The following SEMA6D variants were observed in gnomAD, a reference collection of about 807,000 sequenced individuals.
The protein encoded by SEMA6D is semaphorin 6D, also known as semaphorin-6D.
In SEMA6D, 35 loss-of-function variants were observed where a neutral mutation model predicts 106.6. The observed-to-expected ratio is 0.33, with a 90% CI of 0.25 to 0.44. The LOEUF (loss-of-function observed/expected upper bound fraction) is 0.44, where lower values mean the gene tolerates loss of function less well. Among genes scored for constraint, SEMA6D ranks in the 20% least tolerant of loss-of-function variants. The probability of loss-of-function intolerance (pLI) is 1.00; values close to 1 mark genes in which losing one functional copy is unlikely to be tolerated. For synonymous variants in SEMA6D, 499 were observed against 487.7 expected (o/e 1.02, Z -0.31); for missense variants, 1,185 against 1,345.9 (o/e 0.88, Z 1.87).
chr15:47,229,950 G>A, intron 1 of SEMA6D, among the ~76,000 whole-genome samples: 1 of 152,004 alleles, frequency 6.6e-6, no homozygotes, highest in East Asian at 1.9e-4. Flanking sequence ...AGAATGAAAA[G>A]CTTTTTAGTA....
At chr15:47,335,839 T>C (rs1383802737) in intron 1 of SEMA6D, among the ~76,000 whole-genome samples, 2 of 152,054 alleles carry the variant, frequency 1.3e-5, no homozygotes, top group African/African-American at 4.8e-5. Context: ...AAATGGAAAT[T>C]GATGGGGTTA....
intron 2 of SEMA6D, among the ~76,000 whole-genome samples, chr15:47,416,100 G>A (rs1595941731): frequency 1.3e-5 from 2 of 152,132 alleles, no homozygotes; most frequent in African/African-American, 4.8e-5. Context: ...TTTTATTTAG[G>A]AGTAAAGTTT....
chr15:47,591,602 T>G (rs2076441494), intron 3 of SEMA6D, among the ~76,000 whole-genome samples: 1 of 152,172 alleles, frequency 6.6e-6, no homozygotes, highest in East Asian at 1.9e-4. Flanking sequence ...GCTCAAAAGT[T>G]ACACAGTGAG....
Position 47,771,128 on chromosome 15 carries a change from C to T in SEMA6D, c.2565C>T (p.Asn855=), listed in dbSNP as rs542373932. 1 of 1,614,136 alleles carries T rather than the reference C, an allele frequency of 6.2e-7. No homozygotes were observed. Among genetic ancestry groups the T allele is most frequent in the African/African-American group, 1.3e-5 (1 of 75,062 alleles). ...ACAAAGCTGAAAAGAAGCTTCAAAA[C>T]ATTGATCACCCTCTCACAAAGTCAT... is the stretch of plus-strand genomic sequence containing the variant. ...NAHKAEKKLQ[N]IDHPLTKSSS... is the part of the protein sequence containing the mutation. The change falls in exon 19 of 19, where the codon AAC becomes AAT. Residue 855 remains asparagine, a synonymous_variant. Transcript: ENST00000536845.
At chr15:47,687,992 A>G (rs1205990677) in intron 4 of SEMA6D, among the ~76,000 whole-genome samples, 1 of 152,202 alleles carries the variant, frequency 6.6e-6, no homozygotes, top group Non-Finnish European at 1.5e-5. Context: ...GATGACCAAG[A>G]TACAGTTGAA....
chr15:47,752,869 C>T (rs973945070), intron 1 of SEMA6D, among the ~76,000 whole-genome samples: 2 of 151,506 alleles, frequency 1.3e-5, no homozygotes, highest in Admixed American at 6.6e-5. Flanking sequence ...ATTAGCTGGA[C>T]GTGGTGGTGC....
intron 1 of SEMA6D, among the ~76,000 whole-genome samples, chr15:47,350,855 T>A (rs1305954114): frequency 6.6e-6 from 1 of 152,188 alleles, no homozygotes; most frequent in African/African-American, 2.4e-5. Context: ...GAGGCCAGTC[T>A]GTTTGTAAGG....
chr15:47,473,741 T>A (rs1008692003), intron 3 of SEMA6D, among the ~76,000 whole-genome samples: 1 of 151,782 alleles, frequency 6.6e-6, no homozygotes, highest in Non-Finnish European at 1.5e-5. Context: ...AAGGAAAAGG[T>A]TTGCTCTGAT....
intron 4 of SEMA6D, among the ~76,000 whole-genome samples, chr15:47,698,684 A>G (rs575486837): frequency 1.3e-5 from 2 of 152,328 alleles, no homozygotes; most frequent in African/African-American, 4.8e-5. Flanking sequence ...CATGGCACAC[A>G]GGTATCTAGT....
intron 3 of SEMA6D, among the ~76,000 whole-genome samples, chr15:47,552,478 G>A (rs2045728127): frequency 6.9e-6 from 1 of 145,156 alleles, no homozygotes; most frequent in Admixed American, 7.2e-5. Flanking sequence ...ATGTGTGTGT[G>A]TGTGTGTCTG....
chr15:47,318,056 T>A (rs938387329), intron 1 of SEMA6D, among the ~76,000 whole-genome samples: 3 of 138,938 alleles, frequency 2.2e-5, no homozygotes, highest in Admixed American at 1.5e-4. Flanking sequence ...ATTATGCACA[T>A]CTTTATTTTA....
At chr15:47,488,078 T>C (rs1290172962) in intron 3 of SEMA6D, among the ~76,000 whole-genome samples, 1 of 152,216 alleles carries the variant, frequency 6.6e-6, no homozygotes, top group Non-Finnish European at 1.5e-5. Context: ...AGCCTTTCTA[T>C]TCTGTCCTGT....
chr15:47,453,069 A>T (rs111513358), intron 2 of SEMA6D, among the ~76,000 whole-genome samples: 111 of 152,058 alleles, frequency 7.3e-4, no homozygotes, highest in African/African-American at 2.6e-3. Context: ...CAGAATCACT[A>T]TCACTTCCTG....
intron 1 of SEMA6D, among the ~76,000 whole-genome samples, chr15:47,216,073 C>G (rs1358761231): frequency 2.6e-5 from 4 of 152,246 alleles, no homozygotes; most frequent in Non-Finnish European, 5.9e-5. Context: ...ATGTAACTTA[C>G]AACTTTGAAG....
chr15:47,440,829 C>A (rs1209402092), intron 2 of SEMA6D, among the ~76,000 whole-genome samples: 1 of 151,988 alleles, frequency 6.6e-6, no homozygotes, highest in Non-Finnish European at 1.5e-5. Context: ...TAGTTTAGCA[C>A]ATAGAAAGGA....
intron 2 of SEMA6D, among the ~76,000 whole-genome samples, chr15:47,417,910 C>T (rs891944403): frequency 1.3e-5 from 2 of 151,606 alleles, no homozygotes; most frequent in Admixed American, 1.3e-4. Context: ...ATTGGGGATA[C>T]TGAAGTAAAC....
At chr15:47,207,272 T>C (rs1256088120) in intron 1 of SEMA6D, among the ~76,000 whole-genome samples, 1 of 152,198 alleles carries the variant, frequency 6.6e-6, no homozygotes, top group Admixed American at 6.5e-5. Flanking sequence ...GCTTCCTCCT[T>C]TGCTCCATTT....
At chr15:47,357,817 C>G (rs1274492360) in intron 1 of SEMA6D, among the ~76,000 whole-genome samples, 4 of 152,136 alleles carry the variant, frequency 2.6e-5, no homozygotes, top group South Asian at 2.1e-4. Flanking sequence ...TGAGTGTTAA[C>G]CATCACAGCC....
At chr15:47,517,096 G>C (rs2044411776) in intron 3 of SEMA6D, among the ~76,000 whole-genome samples, 1 of 152,094 alleles carries the variant, frequency 6.6e-6, no homozygotes, top group African/African-American at 2.4e-5. Context: ...TCGGACAGTA[G>C]TGTTTTTAGT....
Sources: gnomAD v4.1 joint callset for allele counts (sites outside exome capture counted in the v4.1 genomes callset) on GRCh38, gnomAD v4.1.1 for gene constraint, MANE v1.5 for transcripts, NCBI Gene and HGNC (gene_info 2026-07-23, HGNC 2026-07-21) for gene names.